The following DENND4C variants were observed in gnomAD, a reference collection of about 807,000 sequenced individuals.
DENND4C encodes DENN domain containing 4C.
In DENND4C, 108 loss-of-function variants were observed where a neutral mutation model predicts 203.0. The observed-to-expected ratio is 0.53, with a 90% CI of 0.46 to 0.62. DENND4C has a LOEUF of 0.62. Ranked by LOEUF, DENND4C falls within the 20% of genes least tolerant of loss-of-function variation. DENND4C has a pLI of 0.00. For missense variants in DENND4C, 2,481 were observed against 2,301.2 expected (o/e 1.08, Z -1.60); for synonymous variants, 871 against 792.4 (o/e 1.10, Z -1.67).
intron 20 of DENND4C, among the ~76,000 whole-genome samples, chr9:19,337,890 T>G (rs1820831307): frequency 6.6e-6 from 1 of 152,222 alleles, no homozygotes; most frequent in Admixed American, 6.5e-5. Context: ...TGAAAATATA[T>G]TATGCCTTGC....
chr9:19,311,178 G>C (rs993002460), intron 10 of DENND4C, among the ~76,000 whole-genome samples: 2 of 152,082 alleles, frequency 1.3e-5, no homozygotes, highest in Non-Finnish European at 1.5e-5. Context: ...GGATGGAGTA[G>C]AGTGGCCCAA....
chr9:19,283,329 A>G (rs951798734), intron 2 of DENND4C, among the ~76,000 whole-genome samples: 3 of 152,156 alleles, frequency 2.0e-5, no homozygotes, highest in South Asian at 4.1e-4. Context: ...GCTGTCTTCT[A>G]TGATAAGAAT....
intron 1 of DENND4C, among the ~76,000 whole-genome samples, chr9:19,258,632 AT>A: frequency 6.6e-6 from 1 of 151,932 alleles, no homozygotes; most frequent in Admixed American, 6.6e-5. Context: ...ATAAATTCTA[AT>A]ATCCATTCTA....
chr9:19,320,309 C>G (rs1181414100), intron 12 of DENND4C, among the ~76,000 whole-genome samples: 2 of 152,014 alleles, frequency 1.3e-5, no homozygotes, highest in Admixed American at 6.6e-5. Flanking sequence ...AGTGATTCTC[C>G]CGCCTCAGCC....
chr9:19,277,479 T>C (rs1270226515), intron 2 of DENND4C, among the ~76,000 whole-genome samples: 3 of 152,230 alleles, frequency 2.0e-5, no homozygotes, highest in Non-Finnish European at 4.4e-5. Context: ...TTGTTGCTGG[T>C]GTATAGAAAT....
intron 1 of DENND4C, among the ~76,000 whole-genome samples, chr9:19,272,292 T>G (rs1831867189): frequency 6.6e-6 from 1 of 151,678 alleles, no homozygotes; most frequent in Admixed American, 6.6e-5. Flanking sequence ...TGGTGGGACA[T>G]GCCTGTAATC....
intron 10 of DENND4C, among the ~76,000 whole-genome samples, chr9:19,307,816 T>C (rs1839994990): frequency 6.6e-6 from 1 of 150,688 alleles, no homozygotes; most frequent in Admixed American, 6.6e-5. Context: ...CTGAAATCCC[T>C]AGATAGTCCT....
intron 1 of DENND4C, among the ~76,000 whole-genome samples, chr9:19,272,667 G>A (rs929775896): frequency 2.0e-5 from 3 of 152,092 alleles, no homozygotes; most frequent in African/African-American, 4.8e-5. Context: ...AAAATGTATC[G>A]TAGACCTAAA....
chr9:19,243,274 C>G (rs944714762), intron 1 of DENND4C, among the ~76,000 whole-genome samples: 5 of 152,144 alleles, frequency 3.3e-5, no homozygotes, highest in African/African-American at 1.2e-4. Context: ...TGGCTTCTTT[C>G]ATTTAGGATA....
Position 19,305,448 on chromosome 9 carries a change from G to C in DENND4C, c.1408G>C (p.Val470Leu). Residue 470 changes from valine to leucine, a missense_variant, in exon 10 of 33, where the codon GTT (valine) becomes CTT (leucine). This residue lies in a region of DENND4C where 2,289 missense variants were observed against 2,113.3 expected (regional missense o/e 1.08). Transcript: ENST00000434457. ...TGCACCTTTACCATTTATAGTTGGA[G>C]TTGACTCAAGGTATTTTGATCTTCA... The part of the protein sequence containing the change: ...LSAPLPFIVG[V>L]DSRYFDLHDP... 6.2e-7 allele frequency: 1 copy of C among 1,613,914 alleles called. No individual in the cohort carries two copies. Among genetic ancestry groups the C allele is most frequent in the Non-Finnish European group, 8.5e-7 (1 of 1,179,950 alleles).
chr9:19,304,913 T>G (rs1839372234), intron 9 of DENND4C, among the ~76,000 whole-genome samples: 1 of 151,696 alleles, frequency 6.6e-6, no homozygotes, highest in Admixed American at 6.6e-5. Context: ...AATTAGTTTT[T>G]TTTTTTTTTT....
rs964901237 is a variant in DENND4C at position 19,230,826 on chromosome 9, G to C, written c.-25G>C. The C allele has an allele frequency of 6.6e-6, 1 of 152,522 alleles. No homozygotes were observed. The highest frequency in any genetic ancestry group is 1.5e-5 in the Non-Finnish European group (1 of 68,274). 9.4% of individuals were successfully genotyped at this position (152,522 alleles called of 1,614,324 possible). On this transcript the variant is annotated 5_prime_UTR_variant, in exon 1 of 33. Transcript: ENST00000434457. ...TCGGGGCTGCGCTGACAGAGGAGCA[G>C]GCAGCAGGTGAGGCTGCGGCGCGGG...
At chr9:19,317,828 T>C (rs1842104936) in intron 12 of DENND4C, among the ~76,000 whole-genome samples, 1 of 152,212 alleles carries the variant, frequency 6.6e-6, no homozygotes, top group African/African-American at 2.4e-5. Context: ...AAAAAAGGGA[T>C]GTTCTTCCAA....
intron 5 of DENND4C, 95 bp from the exon 6 acceptor site, chr9:19,295,913 C>T: frequency 1.0e-6 from 1 of 975,178 alleles, no homozygotes; most frequent in Non-Finnish European, 1.6e-6. Flanking sequence ...TATAAGTGTA[C>T]TCCAAGCAAA....
intron 1 of DENND4C, among the ~76,000 whole-genome samples, chr9:19,258,661 GT>G (rs879325476): frequency 4.5e-5 from 6 of 133,638 alleles, no homozygotes; most frequent in Admixed American, 7.2e-5. Flanking sequence ...TAAATTTTAA[GT>G]TTTTTTTTTT....
intron 9 of DENND4C, among the ~76,000 whole-genome samples, chr9:19,304,807 C>T (rs2131370186): frequency 6.6e-6 from 1 of 151,846 alleles, no homozygotes; most frequent in East Asian, 1.9e-4. Flanking sequence ...CCTTGGCCTC[C>T]CAAAGTGCTG....
At chr9:19,277,581 A>T (rs1833132708) in intron 2 of DENND4C, among the ~76,000 whole-genome samples, 1 of 152,068 alleles carries the variant, frequency 6.6e-6, no homozygotes, top group South Asian at 2.1e-4. Flanking sequence ...TTTTTTAAAT[A>T]TATAGGATCA....
At position 19,361,928 on chromosome 9, in the gene DENND4C, C is replaced by G; in HGVS notation, c.5489C>G (p.Pro1830Arg). The part of the protein sequence containing the change: ...LWDNINLHQE[P>R]REPLYVSWRN... ...GATAATATCAACCTTCATCAGGAAC[C>G]AAGAGAACCTCTGTATGTCTCATGG... is the stretch of plus-strand genomic sequence containing the variant. The change falls in exon 30 of 33, where the codon CCA becomes CGA. Residue 1830 changes from proline (P) to arginine (R), a missense_variant. Physicochemically the swap from Pro to Arg is moderately radical, Grantham distance 103 (BLOSUM62 -2). This residue lies in a region of DENND4C where 2,289 missense variants were observed against 2,113.3 expected (regional missense o/e 1.08). Coordinates refer to ENST00000434457, the MANE Select transcript of DENND4C (RefSeq NM_001330640.2). 1 of 1,609,300 alleles carries G rather than the reference C, an allele frequency of 6.2e-7. No individual in the cohort carries two copies. The highest frequency in any genetic ancestry group is 8.5e-7 in the Non-Finnish European group (1 of 1,175,816).
At chr9:19,279,479 A>C (rs1438205631) in intron 2 of DENND4C, among the ~76,000 whole-genome samples, 2 of 152,172 alleles carry the variant, frequency 1.3e-5, no homozygotes, top group African/African-American at 2.4e-5. Context: ...GTTCAAGACC[A>C]GCCTGTCCAA....
Sources: allele counts gnomAD v4.1 joint callset (sites outside exome capture counted in the v4.1 genomes callset), GRCh38; gene constraint gnomAD v4.1.1; regional missense constraint gnomAD v4.1.1; transcripts MANE v1.5; gene names NCBI Gene and HGNC (gene_info 2026-07-23, HGNC 2026-07-21).